MSI2: variants seen among roughly 807,000 people sequenced by gnomAD.
MSI2 encodes RNA-binding protein Musashi homolog 2.
In MSI2, 17 loss-of-function variants were observed where a neutral mutation model predicts 45.6. The ratio of observed to expected loss-of-function variants is 0.37; its 90% confidence interval spans 0.26 to 0.56. The LOEUF (loss-of-function observed/expected upper bound fraction) is 0.56. Ranked by LOEUF, MSI2 falls within the 20% of genes least tolerant of loss-of-function variation. The pLI, the probability that MSI2 is intolerant of heterozygous loss-of-function variation, is 0.77. For synonymous variants in MSI2, 156 were observed against 158.2 expected, an observed-to-expected ratio of 0.99 and a Z score of 0.11; for missense variants, 293 against 444.2, an observed-to-expected ratio of 0.66 and a Z score of 3.06.
chr17:57,445,869 C>T (rs976174297), intron 6 of MSI2, among the ~76,000 whole-genome samples: 4 of 152,146 alleles, frequency 2.6e-5, no homozygotes, highest in Admixed American at 2.6e-4. Flanking sequence ...GAACGCTATT[C>T]TAGGGGCTTA....
chr17:57,590,675 T>C (rs557258625), intron 7 of MSI2, among the ~76,000 whole-genome samples: 2 of 152,320 alleles, frequency 1.3e-5, no homozygotes, highest in Admixed American at 6.5e-5. Flanking sequence ...ACCACCTTCT[T>C]TGTCCCCGCT....
chr17:57,692,082 A>G, the MSI2 span, among the ~76,000 whole-genome samples: 1 of 152,188 alleles, frequency 6.6e-6, no homozygotes, highest in Admixed American at 6.5e-5. Flanking sequence ...AATTTTGTCA[A>G]ATGTTCTTTG....
chr17:57,599,869 T>C (rs1435962850), intron 8 of MSI2, among the ~76,000 whole-genome samples: 1 of 152,130 alleles, frequency 6.6e-6, no homozygotes, highest in Admixed American at 6.5e-5. Context: ...CTGGGTGACA[T>C]ACCAGGAGCA....
chr17:57,344,324 A>G (rs182631219), intron 5 of MSI2, among the ~76,000 whole-genome samples: 2 of 152,340 alleles, frequency 1.3e-5, no homozygotes, highest in Middle Eastern at 3.4e-3. Flanking sequence ...ATTACTGTAC[A>G]TAACAATTTT....
Position 57,295,960 on chromosome 17 carries a change from C to G in MSI2, c.312+33768C>G, listed in dbSNP as rs186880511. Among the ~76,000 whole-genome samples, 3 of 104,004 alleles carry G rather than the reference C, an allele frequency of 2.9e-5. No homozygotes were observed. The East Asian group carries it at 1.0e-3, about 36-fold the overall frequency. The allele number at this position is 104,004 out of a possible 152,430, so 68.2% of individuals were successfully genotyped here. A position where few individuals can be genotyped will look rare whatever the true frequency, so the allele number is the denominator to read the frequency against. ...GCTCAGAGGAGAAGAATTTTCTTTACAAAGTTTGAGTTACCAGTTCACGCA... is the reference window on the plus strand; with the variant it reads ...GCTCAGAGGAGAAGAATTTTCTTTAGAAAGTTTGAGTTACCAGTTCACGCA... On this transcript the variant is annotated intron_variant, in intron 5 of 13. Transcript: ENST00000284073.
At chr17:57,503,609 C>T (rs2086163016) in intron 6 of MSI2, among the ~76,000 whole-genome samples, 1 of 152,214 alleles carries the variant, frequency 6.6e-6, no homozygotes, top group Admixed American at 6.5e-5. Context: ...TTGCTCAGTC[C>T]CCAGAGCTGA....
At chr17:57,518,435 C>G (rs933767741) in intron 6 of MSI2, among the ~76,000 whole-genome samples, 3 of 152,162 alleles carry the variant, frequency 2.0e-5, no homozygotes, top group Non-Finnish European at 2.9e-5. Flanking sequence ...TTATTTCATG[C>G]CCATCAATAT....
intron 11 of MSI2, among the ~76,000 whole-genome samples, chr17:57,673,979 T>G (rs539965160): frequency 1.3e-5 from 2 of 151,964 alleles, no homozygotes; most frequent in Non-Finnish European, 2.9e-5. Context: ...GAAAAAAAGT[T>G]TAAATCCCCC....
chr17:57,256,930 G>GA, intron 1 of MSI2, 126 bp downstream of exon 1: 1 of 793,376 alleles, frequency 1.3e-6, no homozygotes, highest in Non-Finnish European at 1.7e-6. Flanking sequence ...CCCCCCCGTG[G>GA]AAGTTACACA....
At chr17:57,316,883 A>C (rs1290821638) in intron 5 of MSI2, among the ~76,000 whole-genome samples, 1 of 152,078 alleles carries the variant, frequency 6.6e-6, no homozygotes, top group African/African-American at 2.4e-5. Flanking sequence ...GGGACACTAG[A>C]AATTATAATT....
At position 57,297,636 on chromosome 17, in the gene MSI2, C is replaced by T. The variant is rs118100999; in HGVS notation, c.312+35444C>T. Among the ~76,000 whole-genome samples the T allele has an allele frequency of 6.2e-3, 949 of 152,276 alleles. 5 individuals carry two copies. The highest frequency in any genetic ancestry group is 9.4e-3 in the Non-Finnish European group (636 of 68,020). On this transcript the variant is annotated intron_variant, in intron 5 of 13. Transcript: ENST00000284073. Reference sequence around the variant, plus strand: ...CTACATTGATTGACTCTTCCTTTCACGAAATATTTCTCTGTAGCATGCAAT... The same window carrying T: ...CTACATTGATTGACTCTTCCTTTCATGAAATATTTCTCTGTAGCATGCAAT...
At chr17:57,670,854 A>G (rs994300888) in intron 11 of MSI2, among the ~76,000 whole-genome samples, 1 of 152,224 alleles carries the variant, frequency 6.6e-6, no homozygotes, top group African/African-American at 2.4e-5. Context: ...AAACTTGACA[A>G]GTTACAGAGC....
intron 5 of MSI2, among the ~76,000 whole-genome samples, chr17:57,298,305 G>A (rs1204215457): frequency 1.3e-5 from 2 of 152,238 alleles, no homozygotes; most frequent in Non-Finnish European, 2.9e-5. Flanking sequence ...GCTCTTGGGT[G>A]ACCAGGTATG....
intron 5 of MSI2, among the ~76,000 whole-genome samples, chr17:57,347,258 A>G (rs1408872871): frequency 6.6e-6 from 1 of 152,220 alleles, no homozygotes. Context: ...TCAGACTAGC[A>G]TTGTAGAAAG....
At chr17:57,532,254 A>G in intron 7 of MSI2, 1 of 152,412 alleles carries the variant, frequency 6.6e-6, no homozygotes, top group Non-Finnish European at 1.5e-5. Context: ...CTCCTATTCA[A>G]AGATGATTGA....
chr17:57,647,150 C>T (rs888703088), intron 10 of MSI2, among the ~76,000 whole-genome samples: 1 of 151,746 alleles, frequency 6.6e-6, no homozygotes, highest in African/African-American at 2.4e-5. Context: ...AAATTCAGGC[C>T]AGGCACGGTG....
At chr17:57,349,349 GGCATAGGGCA>G in intron 5 of MSI2, among the ~76,000 whole-genome samples, 1 of 152,288 alleles carries the variant, frequency 6.6e-6, no homozygotes, top group South Asian at 2.1e-4. Context: ...TCACTAGAGA[GGCATAGGGCA>G]GCATGAACAC....
chr17:57,628,652 G>A (rs1465043122), intron 10 of MSI2: 3 of 152,686 alleles, frequency 2.0e-5, no homozygotes, highest in Admixed American at 1.3e-4. Context: ...GGGTCAGAGG[G>A]TGCAGGGAAG....
downstream of MSI2, among the ~76,000 whole-genome samples, chr17:57,687,580 A>G (rs1913910129): frequency 6.6e-6 from 1 of 152,100 alleles, no homozygotes; most frequent in South Asian, 2.1e-4. Context: ...ACTTAATATC[A>G]CAAAAGATAC....
Sources: allele counts gnomAD v4.1 joint callset (sites outside exome capture counted in the v4.1 genomes callset), GRCh38; gene constraint gnomAD v4.1.1; transcripts MANE v1.5; gene names NCBI Gene and HGNC (gene_info 2026-07-23, HGNC 2026-07-21).